Variants in MCTP2 observed in about 807,000 individuals in gnomAD.
MCTP2 encodes multiple C2 and transmembrane domain-containing protein 2.
MCTP2 carries 132 observed loss-of-function variants against 111.6 expected under a neutral mutation model. The observed-to-expected ratio is 1.18, with a 90% confidence interval of 1.03 to 1.37. MCTP2 has a LOEUF of 1.37. MCTP2 is among the 40% of genes most tolerant of loss of function. The pLI, the probability that MCTP2 is intolerant of heterozygous loss-of-function variation, is 0.00. For synonymous variants in MCTP2, 395 were observed against 387.7 expected, an observed-to-expected ratio of 1.02 and a Z score of -0.22; for missense variants, 1,183 against 1,067.9, an observed-to-expected ratio of 1.11 and a Z score of -1.50.
At chr15:94,291,220 G>A (rs754371288) in intron 1 of MCTP2, among the ~76,000 whole-genome samples, 1 of 152,150 alleles carries the variant, frequency 6.6e-6, no homozygotes, top group African/African-American at 2.4e-5. Context: ...TAAAAAGATA[G>A]ATAGAAAAAT....
chr15:94,306,659 T>A (rs1312169672), intron 2 of MCTP2, among the ~76,000 whole-genome samples: 1 of 152,190 alleles, frequency 6.6e-6, no homozygotes, highest in African/African-American at 2.4e-5. Flanking sequence ...AACTAATAAT[T>A]ATGAAAGAAA....
intron 20 of MCTP2, among the ~76,000 whole-genome samples, chr15:94,465,022 C>G (rs768686650): frequency 6.6e-6 from 1 of 152,068 alleles, no homozygotes; most frequent in Non-Finnish European, 1.5e-5. Context: ...TTGGCTTGTT[C>G]TATCAATTAC....
intron 18 of MCTP2, among the ~76,000 whole-genome samples, chr15:94,442,188 C>T (rs576315976): frequency 6.6e-6 from 1 of 152,326 alleles, no homozygotes; most frequent in East Asian, 1.9e-4. Flanking sequence ...AGCTTTCTTT[C>T]CAAACTACTG....
At chr15:94,417,906 G>A (rs2082448017) in intron 17 of MCTP2, among the ~76,000 whole-genome samples, 1 of 152,068 alleles carries the variant, frequency 6.6e-6, no homozygotes. Flanking sequence ...TATGTACAGA[G>A]CTATTGCAGG....
chr15:94,355,907 A>G, intron 8 of MCTP2: 2 of 1,082,910 alleles, frequency 1.8e-6, no homozygotes, highest in Non-Finnish European at 2.2e-6. Context: ...GCCAAGTCAA[A>G]GTGTTGCATA....
intron 19 of MCTP2, among the ~76,000 whole-genome samples, chr15:94,445,404 G>C (rs1487022036): frequency 2.0e-5 from 3 of 152,002 alleles, no homozygotes; most frequent in Admixed American, 2.0e-4. Context: ...ATGATATTTT[G>C]ACTTCTGTTT....
intron 9 of MCTP2, among the ~76,000 whole-genome samples, chr15:94,357,929 G>T (rs1281031644): frequency 6.6e-6 from 1 of 152,188 alleles, no homozygotes; most frequent in Non-Finnish European, 1.5e-5. Context: ...TTTGGCTGCA[G>T]TGGAATTTCC....
chr15:94,478,138 C>T (rs2074512917), intron 22 of MCTP2, among the ~76,000 whole-genome samples: 1 of 152,118 alleles, frequency 6.6e-6, no homozygotes, highest in Non-Finnish European at 1.5e-5. Context: ...GCCCACACAC[C>T]AAAGCAATAT....
intron 12 of MCTP2, among the ~76,000 whole-genome samples, chr15:94,375,374 T>A (rs1401259424): frequency 6.6e-6 from 1 of 152,188 alleles, no homozygotes; most frequent in African/African-American, 2.4e-5. Flanking sequence ...ATATCACTCA[T>A]CTTCATTTTT....
rs572335531 is a variant in MCTP2, at chr15:94,408,878, C to A, written c.2085+6859C>A. 1.5e-4 allele frequency among the ~76,000 whole-genome samples: 23 copies of A among 152,288 alleles called. No homozygotes were observed. In the South Asian group the frequency reaches 1.7e-3, roughly 11 times the overall value. On this transcript the variant is annotated intron_variant, in intron 17 of 22. Transcript: ENST00000357742. Reference sequence around the variant, plus strand: ...GCCTGGTAGATGTAAATGGTTAGCTCCCCCTTTTGTGTGTAGGTCCAGGCT... The same window carrying A: ...GCCTGGTAGATGTAAATGGTTAGCTACCCCTTTTGTGTGTAGGTCCAGGCT...
At chr15:94,388,229 T>C (rs551562559) in intron 14 of MCTP2, among the ~76,000 whole-genome samples, 138 of 152,336 alleles carry the variant, frequency 9.1e-4, no homozygotes, top group Admixed American at 1.6e-3. Flanking sequence ...CTGCAAGGTC[T>C]CTACCTTGTA....
chr15:94,446,803 T>G (rs774809443), intron 19 of MCTP2, among the ~76,000 whole-genome samples: 10 of 152,224 alleles, frequency 6.6e-5, no homozygotes, highest in Non-Finnish European at 1.3e-4. Context: ...AAACAGGACT[T>G]GAATGATCTG....
At chr15:94,257,311 T>C (rs1175101947) in intron 1 of MCTP2, among the ~76,000 whole-genome samples, 1 of 152,132 alleles carries the variant, frequency 6.6e-6, no homozygotes, top group Non-Finnish European at 1.5e-5. Flanking sequence ...GACCCTTGTC[T>C]GATTTGACCA....
At chr15:94,266,080 G>GCACACACACACA (rs58424468) in intron 1 of MCTP2, among the ~76,000 whole-genome samples, 1 of 151,550 alleles carries the variant, frequency 6.6e-6, no homozygotes, top group Non-Finnish European at 1.5e-5. Context: ...GCGTGTGCGC[G>GCACACACACACA]CACACACACA....
At chr15:94,414,507 T>C (rs1011498930) in intron 17 of MCTP2, among the ~76,000 whole-genome samples, 1 of 152,212 alleles carries the variant, frequency 6.6e-6, no homozygotes, top group Non-Finnish European at 1.5e-5. Flanking sequence ...AAAATGTTTA[T>C]AATAAATGGT....
intron 2 of MCTP2, among the ~76,000 whole-genome samples, chr15:94,299,435 G>T (rs910486335): frequency 1.3e-5 from 2 of 152,038 alleles, no homozygotes; most frequent in Non-Finnish European, 2.9e-5. Context: ...ACTGCCTTAG[G>T]ATTTGAACTT....
chr15:94,236,405 T>TA (rs2070567496), intron 1 of MCTP2, among the ~76,000 whole-genome samples: 1 of 123,662 alleles, frequency 8.1e-6, no homozygotes, highest in Non-Finnish European at 1.7e-5. Context: ...TTTTTTTTTT[T>TA]ACGAAATAGC....
rs145300926 is a variant in MCTP2 at position 94,328,835 on chromosome 15, AG to A, written c.638-10453del. Among the ~76,000 whole-genome samples, 1,235 of 152,322 alleles carry A rather than the reference AG, an allele frequency of 8.1e-3. 16 individuals are homozygous for A. Among genetic ancestry groups the A allele is most frequent in the African/African-American group, 0.027 (1,102 of 41,554 alleles). ...TGGGGCTTCACCTGGGAAGAGTTGA[AG>A]GTTGGGAGGACTTGGCTATTGGGGT... On this transcript the variant is annotated intron_variant, in intron 4 of 22. Transcript: ENST00000357742.
At position 94,373,355 on chromosome 15, in the gene MCTP2, A is replaced by C. The variant is rs577811638; in HGVS notation, c.1582+3175A>C. 6.6e-5 allele frequency among the ~76,000 whole-genome samples: 10 copies of C among 152,328 alleles called. No individual in the cohort carries two copies. In the South Asian group the frequency reaches 1.2e-3, roughly 19 times the overall value. ...ACTAAGGTGAATTTATTTCTCATAA[A>C]GTTGTTTTATCTATAAAGGAAAATA... On this transcript the variant is annotated intron_variant, in intron 12 of 22. Coordinates refer to ENST00000357742, the MANE Select transcript of MCTP2 (RefSeq NM_001385001.1).
Sources: allele counts gnomAD v4.1 joint callset (sites outside exome capture counted in the v4.1 genomes callset), GRCh38; gene constraint gnomAD v4.1.1; transcripts MANE v1.5; gene names NCBI Gene and HGNC (gene_info 2026-07-23, HGNC 2026-07-21).